Variants in PRKCSH observed in about 807,000 individuals in gnomAD.
PRKCSH encodes glucosidase 2 subunit beta.
A neutral mutation model predicts 79.7 loss-of-function variants in PRKCSH; 42 were observed. That is an observed-to-expected ratio of 0.53 (90% CI 0.41 to 0.68). The LOEUF is 0.68. Among genes scored for constraint, PRKCSH ranks in the 30% least tolerant of loss-of-function variants. The probability of loss-of-function intolerance (pLI) is 0.00; values close to 1 mark genes in which losing one functional copy is unlikely to be tolerated. For missense variants in PRKCSH, 686 were observed against 709.0 expected, an observed-to-expected ratio of 0.97 and a Z score of 0.37; for synonymous variants, 325 against 288.2, an observed-to-expected ratio of 1.13 and a Z score of -1.29.
In PRKCSH at chr19:11,436,443, C is replaced by T; in HGVS notation, c.134C>T (p.Thr45Ile). 6.2e-7 allele frequency: 1 copy of T among 1,614,222 alleles called. No individual in the cohort carries two copies. Among genetic ancestry groups the T allele is most frequent in the Non-Finnish European group, 8.5e-7 (1 of 1,180,048 alleles). The stretch of plus-strand genomic sequence containing the variant: ...TTCACCTGCCTGGACGGTTCGGCCA[C>T]CATCCCATTTGATCAGGTCAACGAT... ...KPFTCLDGSA[T>I]IPFDQVNDDY... is the part of the protein sequence containing the mutation. Residue 45 changes from threonine (T) to isoleucine (I), a missense_variant, in exon 3 of 18, where the codon ACC (threonine) becomes ATC (isoleucine). Around this residue, in one of 2 missense-constraint regions of PRKCSH, gnomAD observed 549 missense variants for 520.2 expected, o/e 1.06. Coordinates refer to ENST00000677123, the MANE Select transcript of PRKCSH (RefSeq NM_001289104.2).
Position 11,447,353 on chromosome 19 carries a change from G to A in PRKCSH, c.850-86G>A. 3 of 1,479,334 alleles carry A rather than the reference G, an allele frequency of 2.0e-6. No individual in the cohort carries two copies. The highest frequency in any genetic ancestry group is 1.2e-5 in the South Asian group (1 of 85,852). 91.6% of individuals were successfully genotyped at this position (1,479,334 alleles called of 1,614,324 possible). A position where few individuals can be genotyped will look rare whatever the true frequency, so the allele number is the denominator to read the frequency against. On this transcript the variant is annotated intron_variant, in intron 10 of 17. Transcript: ENST00000677123. This position sits in a 1 kb window ranked among gnomAD's most constrained non-coding sequence, Gnocchi z 5.6. ...GCCCCGCAGGAGGGGCAGAGACACC[G>A]AGGCTGCCCCTTGGGCTGTGGTGTG...
intron 9 of PRKCSH, 37 bp downstream of exon 9, chr19:11,446,387 GA>G: frequency 6.3e-7 from 1 of 1,598,560 alleles, no homozygotes; most frequent in Non-Finnish European, 8.5e-7. Flanking sequence ...GACTTCTAGG[GA>G]GCATTGCCCC....
Position 11,448,626 on chromosome 19 carries a change from A to C in PRKCSH, c.1283A>C (p.Asn428Thr), listed in dbSNP as rs34318718. 1.4e-4 allele frequency: 227 copies of C among 1,613,504 alleles called. No individual in the cohort carries two copies. Among genetic ancestry groups the C allele is most frequent in the Middle Eastern group, 6.6e-4 (4 of 6,062 alleles). The change falls in exon 14 of 18, where the codon AAC becomes ACC. Residue 428 changes from asparagine to threonine, a missense_variant. Transcript: ENST00000677123. The surrounding 1 kb of genome is among the most constrained non-coding windows in gnomAD (Gnocchi z 4.4). ...LYSQCYELTT[N>T]EYVYRLCPFK... ...AGCCAGTGCTACGAGCTCACCACCA[A>C]CGAGTGCGTCCCAGGAATGCAGGGG...
At position 11,449,442 on chromosome 19, in the gene PRKCSH, T is replaced by C; in HGVS notation, c.*16+14T>C. 6.2e-7 allele frequency: 1 copy of C among 1,611,602 alleles called. No individual in the cohort carries two copies. The highest frequency in any genetic ancestry group is 1.7e-4 in the Middle Eastern group (1 of 6,054). On this transcript the variant is annotated intron_variant, in intron 17 of 17. Transcript: ENST00000677123. The surrounding 1 kb of genome is among the most constrained non-coding windows in gnomAD (Gnocchi z 6.4). ...ATGGGCGCAGAGGTGGGCGGGGAGGTGGAGTCTCGTCGGCCTGCCCCAGCA... is the reference window on the plus strand; with the variant it reads ...ATGGGCGCAGAGGTGGGCGGGGAGGCGGAGTCTCGTCGGCCTGCCCCAGCA...
Position 11,441,305 on chromosome 19 carries a change from G to A in PRKCSH, c.416G>A (p.Arg139His), listed in dbSNP as rs139991238. 2,845 of 1,614,026 alleles carry A rather than the reference G, an allele frequency of 1.8e-3. 1 individual carries two copies. Among genetic ancestry groups the A allele is most frequent in the Non-Finnish European group, 2.0e-3 (2,370 of 1,179,938 alleles). The change falls in exon 6 of 18, where the codon CGT becomes CAT. Residue 139 changes from arginine (R) to histidine (H), a missense_variant. Physicochemically the swap from Arg to His is conservative, Grantham distance 29. Coordinates refer to ENST00000677123, the MANE Select transcript of PRKCSH (RefSeq NM_001289104.2). ...GCCGAGGTCACCCGCGAAGGGTTCC[G>A]TCTGAAGAAGATCCTTATTGAGGAC... ...QMAEVTREGF[R>H]LKKILIEDWK...
At chr19:11,439,605 C>CTTTTTTTTTTTT (rs758607686) in intron 5 of PRKCSH, among the ~76,000 whole-genome samples, 4 of 68,832 alleles carry the variant, frequency 5.8e-5, no homozygotes, top group African/African-American at 1.1e-4. Flanking sequence ...TTTTTCTTTT[C>CTTTTTTTTTTTT]TTTTTTTTTT....
Position 11,447,761 on chromosome 19 carries a change from C to T in PRKCSH, c.1098C>T (p.Tyr366=), listed in dbSNP as rs534780730. The change falls in exon 12 of 18, where the codon TAC becomes TAT. Residue 366 remains tyrosine (Y), a synonymous_variant. Transcript: ENST00000677123. This position sits in a 1 kb window ranked among gnomAD's most constrained non-coding sequence, Gnocchi z 5.6. ...SPAEEDKMPP[Y]DEQTQAFIDA... ...CTGAGGAAGACAAAATGCCGCCCTA[C>T]GACGAGCAGACGCAGGCCTTCATCG... The T allele has an allele frequency of 6.3e-5, 101 of 1,592,392 alleles. 1 individual carries two copies. The highest frequency in any genetic ancestry group is 5.6e-4 in the South Asian group (49 of 88,034).
In PRKCSH at chr19:11,442,514, A is replaced by C; in HGVS notation, c.597A>C (p.Glu199Asp). The C allele has an allele frequency of 6.2e-7, 1 of 1,610,134 alleles. No individual in the cohort carries two copies. The highest frequency in any genetic ancestry group is 8.5e-7 in the Non-Finnish European group (1 of 1,178,652). Reference protein sequence around the residue: ...EAKEQHQKLWEEQLAAAKAQQ... With the variant: ...EAKEQHQKLWDEQLAAAKAQQ... ...AAGAGCAGCACCAGAAGCTGTGGGA[A>C]GGTATGGCAGAAATGGCCAAGGACT... Residue 199 changes from glutamate (E) to aspartate (D), a missense_variant and splice_region_variant, in exon 7 of 18, where the codon GAA becomes GAC. By Grantham distance (45) the Glu-to-Asp change is conservative. Transcript: ENST00000677123.
rs748149239 is a variant in PRKCSH, at chr19:11,446,277, C to T, written c.689C>T (p.Ser230Leu). 17 of 1,613,452 alleles carry T rather than the reference C, an allele frequency of 1.1e-5. No individual in the cohort carries two copies. In the Admixed American group the frequency reaches 1.5e-4, roughly 14 times the overall value. ...ELDDDMDGTV[S>L]VTELQTHPEL... ...CTTCTGCCACGCCCCCGCAGGGTCT[C>T]GGTGACTGAGCTGCAGACTCACCCG... Residue 230 changes from serine (S) to leucine (L), a missense_variant, in exon 9 of 18, where the codon TCG (serine) becomes TTG (leucine). Coordinates refer to ENST00000677123, the MANE Select transcript of PRKCSH (RefSeq NM_001289104.2).
Position 11,448,623 on chromosome 19 carries a change from C to T in PRKCSH, c.1280C>T (p.Thr427Ile). Reference protein sequence around the residue: ...YLYSQCYELTTNEYVYRLCPF... With the variant: ...YLYSQCYELTINEYVYRLCPF... The stretch of plus-strand genomic sequence containing the variant: ...TACAGCCAGTGCTACGAGCTCACCA[C>T]CAACGAGTGCGTCCCAGGAATGCAG... Residue 427 changes from threonine (T) to isoleucine (I), a missense_variant, in exon 14 of 18, where the codon ACC becomes ATC. This residue lies in a region of PRKCSH where 137 missense variants were observed against 188.8 expected (regional missense o/e 0.73). Coordinates refer to ENST00000677123, the MANE Select transcript of PRKCSH (RefSeq NM_001289104.2). This position sits in a 1 kb window ranked among gnomAD's most constrained non-coding sequence, Gnocchi z 4.4. The T allele has an allele frequency of 6.2e-7, 1 of 1,614,024 alleles. No homozygotes were observed. The highest frequency in any genetic ancestry group is 8.5e-7 in the Non-Finnish European group (1 of 1,179,858).
At position 11,448,281 on chromosome 19, in the gene PRKCSH, G is replaced by T; in HGVS notation, c.1186G>T (p.Glu396Ter). Residue 396 changes from glutamate to a stop codon, truncating the protein, a stop_gained, in exon 13 of 18, where the codon GAG becomes TAG. Transcript: ENST00000677123. LOFTEE classifies it high-confidence loss of function. The surrounding 1 kb of genome is among the most constrained non-coding windows in gnomAD (Gnocchi z 4.4). ...CGAGCGGTCGCTGAAGGACATGGAG[G>T]AGTCCATCAGGTAGCGGGGGCTGAG... The part of the protein sequence containing the change: ...EAERSLKDME[E>*]SIRNLEQEIS... The T allele has an allele frequency of 1.3e-6, 2 of 1,573,390 alleles. No homozygotes were observed. The highest frequency in any genetic ancestry group is 2.3e-5 in the East Asian group (1 of 42,916).
rs780702093 is a variant in PRKCSH at position 11,447,512 on chromosome 19, C to T, written c.923C>T (p.Pro308Leu). The T allele has an allele frequency of 3.7e-6, 6 of 1,612,650 alleles. No homozygotes were observed. The South Asian group carries it at 5.5e-5, about 15-fold the overall frequency. Residue 308 changes from proline (P) to leucine (L), a missense_variant, in exon 11 of 18, where the codon CCC becomes CTC. This residue lies in a region of PRKCSH where 549 missense variants were observed against 520.2 expected (regional missense o/e 1.06). Transcript: ENST00000677123. The surrounding 1 kb of genome is among the most constrained non-coding windows in gnomAD (Gnocchi z 5.6). ...CCCAAGGAGGAGCAGCCGCCAGTGC[C>T]CTCGTCGCCCACAGAGGAGGAGGAG... ...TEPKEEQPPV[P>L]SSPTEEEEEE...
Position 11,447,762 on chromosome 19 carries a change from G to T in PRKCSH, c.1099G>T (p.Asp367Tyr). The change falls in exon 12 of 18, where the codon GAC becomes TAC. Residue 367 changes from aspartate (D) to tyrosine (Y), a missense_variant. Transcript: ENST00000677123. This position sits in a 1 kb window ranked among gnomAD's most constrained non-coding sequence, Gnocchi z 5.6. The part of the protein sequence containing the change: ...PAEEDKMPPY[D>Y]EQTQAFIDAA... ...TGAGGAAGACAAAATGCCGCCCTACGACGAGCAGACGCAGGCCTTCATCGA... is the reference window on the plus strand; with the variant it reads ...TGAGGAAGACAAAATGCCGCCCTACTACGAGCAGACGCAGGCCTTCATCGA... 10 of 1,590,544 alleles carry T rather than the reference G, an allele frequency of 6.3e-6. No homozygotes were observed. The highest frequency in any genetic ancestry group is 8.6e-6 in the Non-Finnish European group (10 of 1,169,510).
At chr19:11,441,197 C>T (rs201841253) in intron 5 of PRKCSH, 43 bp from the exon 6 acceptor site, 309 of 1,596,126 alleles carry the variant, frequency 1.9e-4, no homozygotes, top group Non-Finnish European at 2.6e-4. Flanking sequence ...CTGGTGGATC[C>T]TAAGTGCCCC....
chr19:11,437,033 C>T (rs460660), intron 3 of PRKCSH, among the ~76,000 whole-genome samples: 1 of 147,152 alleles, frequency 6.8e-6, no homozygotes, highest in African/African-American at 2.5e-5. Context: ...GAGACCGTGT[C>T]TTTGGTTTTG....
chr19:11,447,428 T>C lies in PRKCSH; in HGVS notation c.850-11T>C, dbSNP rs1970362423. ...GAGTCCACAACACCGACCGCACTGCTCACCCGCCAGGCACTGCCCACCGAC... is the reference window on the plus strand; with the variant it reads ...GAGTCCACAACACCGACCGCACTGCCCACCCGCCAGGCACTGCCCACCGAC... On this transcript the variant is annotated splice_polypyrimidine_tract_variant and intron_variant, in intron 10 of 17. Coordinates refer to ENST00000677123, the MANE Select transcript of PRKCSH (RefSeq NM_001289104.2). The surrounding 1 kb of genome is among the most constrained non-coding windows in gnomAD (Gnocchi z 5.6). 6.2e-7 allele frequency: 1 copy of C among 1,613,582 alleles called. No individual in the cohort carries two copies. Among genetic ancestry groups the C allele is most frequent in the Non-Finnish European group, 8.5e-7 (1 of 1,179,880 alleles).
rs954747303 is a variant in PRKCSH at position 11,450,853 on chromosome 19, C to G, written c.*224C>G. On this transcript the variant is annotated 3_prime_UTR_variant, in exon 18 of 18. Coordinates refer to ENST00000677123, the MANE Select transcript of PRKCSH (RefSeq NM_001289104.2). ...AGGAGCTTGCCCTCCCTGGGCCCCC[C>G]ACCTTGGTGACTCGCCCCACCACCC... 4.8e-4 allele frequency: 73 copies of G among 152,542 alleles called. No homozygotes were observed. Among genetic ancestry groups the G allele is most frequent in the African/African-American group, 1.7e-3 (71 of 41,598 alleles). The allele number at this position is 152,542 out of a possible 1,614,324, so 9.4% of individuals were successfully genotyped here. A position where few individuals can be genotyped will look rare whatever the true frequency, so the allele number is the denominator to read the frequency against.
At position 11,448,135 on chromosome 19, in the gene PRKCSH, G is replaced by A; in HGVS notation, c.1127-87G>A. 7.3e-7 allele frequency: 1 copy of A among 1,362,014 alleles called. No homozygotes were observed. The highest frequency in any genetic ancestry group is 1.0e-6 in the Non-Finnish European group (1 of 975,630). 84.4% of individuals were successfully genotyped at this position (1,362,014 alleles called of 1,614,324 possible). A position where few individuals can be genotyped will look rare whatever the true frequency, so the allele number is the denominator to read the frequency against. ...TTGGCCAGAGCAAAATGAGGGTATGGGAGCACACAGCCACATCCATGGAAC... is the reference window on the plus strand; with the variant it reads ...TTGGCCAGAGCAAAATGAGGGTATGAGAGCACACAGCCACATCCATGGAAC... On this transcript the variant is annotated intron_variant, in intron 12 of 17. Coordinates refer to ENST00000677123, the MANE Select transcript of PRKCSH (RefSeq NM_001289104.2). The surrounding 1 kb of genome is among the most constrained non-coding windows in gnomAD (Gnocchi z 4.4).
chr19:11,447,835 C>T lies in PRKCSH; in HGVS notation c.1126+46C>T, dbSNP rs1480878181. 6.6e-7 allele frequency: 1 copy of T among 1,512,126 alleles called. No individual in the cohort carries two copies. The highest frequency in any genetic ancestry group is 1.3e-5 in the South Asian group (1 of 78,642). 93.7% of individuals were successfully genotyped at this position (1,512,126 alleles called of 1,614,324 possible). A position where few individuals can be genotyped will look rare whatever the true frequency, so the allele number is the denominator to read the frequency against. On this transcript the variant is annotated intron_variant, in intron 12 of 17. Transcript: ENST00000677123. The surrounding 1 kb of genome is among the most constrained non-coding windows in gnomAD (Gnocchi z 5.6). ...GGCTCCTCGGGTGGGCCCAGCGTTT[C>T]CTGCCGTGGTGGCACAGGTCGAGGG...
Sources: gnomAD v4.1 joint callset for allele counts (sites outside exome capture counted in the v4.1 genomes callset) on GRCh38, gnomAD v4.1.1 for gene constraint, gnomAD v4.1.1 regional missense constraint, Gnocchi (gnomAD v3.1) non-coding constraint, MANE v1.5 for transcripts, NCBI Gene and HGNC (gene_info 2026-07-23, HGNC 2026-07-21) for gene names.